PRELID2: variants seen among roughly 807,000 people sequenced by gnomAD.
The protein encoded by PRELID2 is PRELI domain-containing protein 2.
Under a neutral mutation model 28.4 loss-of-function variants are expected in PRELID2, and 25 were observed. The observed-to-expected ratio is 0.88, with a 90% CI of 0.64 to 1.23. The LOEUF (loss-of-function observed/expected upper bound fraction) is 1.23. PRELID2 is among the 50% of genes most tolerant of loss of function. The pLI is 0.00. For synonymous variants in PRELID2, 76 were observed against 71.6 expected (o/e 1.06, Z -0.31); for missense variants, 201 against 214.4 (o/e 0.94, Z 0.39).
intron 1 of PRELID2, among the ~76,000 whole-genome samples, chr5:145,577,871 T>C (rs1753073966): frequency 6.6e-6 from 1 of 152,206 alleles, no homozygotes; most frequent in South Asian, 2.1e-4. Flanking sequence ...CTTATCATTA[T>C]ATCCCCATCA....
the PRELID2 span, among the ~76,000 whole-genome samples, chr5:145,439,944 C>A: frequency 6.6e-6 from 1 of 152,188 alleles, no homozygotes; most frequent in East Asian, 1.9e-4. Flanking sequence ...CCTTTCTGAA[C>A]TCCATGGACT....
chr5:145,394,453 GGA>G, the PRELID2 span, among the ~76,000 whole-genome samples: 1 of 130,550 alleles, frequency 7.7e-6, no homozygotes, highest in Non-Finnish European at 1.6e-5. Flanking sequence ...GGAGGGGGAG[GGA>G]TAGCATTAGG....
chr5:145,742,368 C>T (rs1395401112), intron 1 of PRELID2, among the ~76,000 whole-genome samples: 4 of 130,556 alleles, frequency 3.1e-5, no homozygotes, highest in Admixed American at 8.2e-5. Flanking sequence ...GAAAACAAAG[C>T]TCAACAAATT....
chr5:145,635,622 C>T (rs1391506385), intron 1 of PRELID2, among the ~76,000 whole-genome samples: 2 of 152,220 alleles, frequency 1.3e-5, no homozygotes, highest in Non-Finnish European at 2.9e-5. Context: ...GCTCTCGCCT[C>T]TAACATTCTG....
chr5:145,446,090 T>C, the PRELID2 span, among the ~76,000 whole-genome samples: 1 of 152,006 alleles, frequency 6.6e-6, no homozygotes, highest in Non-Finnish European at 1.5e-5. Flanking sequence ...TAGTTAACAA[T>C]AATATATTAT....
chr5:145,541,705 G>A (rs1752746894), intron 1 of PRELID2, among the ~76,000 whole-genome samples: 1 of 151,982 alleles, frequency 6.6e-6, no homozygotes, highest in Non-Finnish European at 1.5e-5. Context: ...GGGGATGGAA[G>A]GCATTCAGTT....
At chr5:145,326,671 T>C in the PRELID2 span, among the ~76,000 whole-genome samples, 1 of 152,028 alleles carries the variant, frequency 6.6e-6, no homozygotes, top group African/African-American at 2.4e-5. Flanking sequence ...AATTAATTAA[T>C]AGGGAAAGAA....
At chr5:145,719,869 C>G (rs1188611870) in intron 1 of PRELID2, among the ~76,000 whole-genome samples, 1 of 151,544 alleles carries the variant, frequency 6.6e-6, no homozygotes. Flanking sequence ...ATGAAAAACA[C>G]CTTAAATCAG....
At chr5:145,629,449 A>C (rs1753901938) in intron 1 of PRELID2, among the ~76,000 whole-genome samples, 1 of 152,198 alleles carries the variant, frequency 6.6e-6, no homozygotes, top group Non-Finnish European at 1.5e-5. Context: ...TGTACGTATC[A>C]CTGATGAGAG....
chr5:145,607,557 G>T (rs1753522905), intron 1 of PRELID2, among the ~76,000 whole-genome samples: 2 of 151,980 alleles, frequency 1.3e-5, no homozygotes, highest in South Asian at 4.2e-4. Context: ...TATGGTTTTG[G>T]GAATTTTTTA....
chr5:145,407,660 C>A, the PRELID2 span, among the ~76,000 whole-genome samples: 3 of 152,176 alleles, frequency 2.0e-5, no homozygotes, highest in Non-Finnish European at 4.4e-5. Context: ...AGCTGCTGCT[C>A]TCTTGAAAGA....
At chr5:145,831,261 TG>T (rs1755565662) in intron 1 of PRELID2, among the ~76,000 whole-genome samples, 1 of 152,248 alleles carries the variant, frequency 6.6e-6, no homozygotes, top group African/African-American at 2.4e-5. Flanking sequence ...GTGATGCTGC[TG>T]ACTGCACAAG....
chr5:145,471,924 C>A (rs1306454157), exon 3 of PRELID2: 1 of 152,128 alleles, frequency 6.6e-6, no homozygotes, highest in Non-Finnish European at 1.5e-5. Context: ...AACTGCTTCC[C>A]AGTCTCATGA....
At chr5:145,713,467 A>G (rs1755756050) in intron 1 of PRELID2, among the ~76,000 whole-genome samples, 1 of 144,892 alleles carries the variant, frequency 6.9e-6, no homozygotes, top group Non-Finnish European at 1.5e-5. Flanking sequence ...CTTTATATAT[A>G]TATACACACA....
chr5:145,523,268 A>C (rs1752579012), intron 1 of PRELID2, among the ~76,000 whole-genome samples: 1 of 152,200 alleles, frequency 6.6e-6, no homozygotes, highest in Non-Finnish European at 1.5e-5. Flanking sequence ...CGGAGGAAAA[A>C]ACACTTCTAA....
intron 1 of PRELID2, among the ~76,000 whole-genome samples, chr5:145,542,787 GTCTTTTTCTC>G (rs1752755253): frequency 2.7e-5 from 2 of 74,852 alleles, no homozygotes; most frequent in African/African-American, 7.9e-5. Flanking sequence ...CTTTCTTTCT[GTCTTTTTCTC>G]TTTTCTTTTA....
chr5:145,626,531 G>A (rs189003744), intron 1 of PRELID2, among the ~76,000 whole-genome samples: 32 of 152,064 alleles, frequency 2.1e-4, no homozygotes, highest in Admixed American at 2.0e-4. Context: ...GTAGATATTG[G>A]CAAGGATGCA....
At position 145,525,496 on chromosome 5, in the gene PRELID2, G is replaced by A. The variant is rs188277865; in HGVS notation, n.71-52181C>T. On this transcript the variant is annotated intron_variant and non_coding_transcript_variant, in intron 1 of 2. Coordinates refer to the PRELID2 transcript ENST00000510259. ...TTGATTCACCTCATCTCTTCACTTC[G>A]CCTCTACAGATGCAACAGGGAAAGC... 5.9e-5 allele frequency among the ~76,000 whole-genome samples: 9 copies of A among 152,014 alleles called. No individual in the cohort carries two copies. The East Asian group carries it at 1.7e-3, about 29-fold the overall frequency.
At chr5:145,789,064 C>T (rs1426350641) in intron 5 of PRELID2, among the ~76,000 whole-genome samples, 1 of 152,096 alleles carries the variant, frequency 6.6e-6, no homozygotes, top group Non-Finnish European at 1.5e-5. Context: ...GCTAACTTAT[C>T]CATAATACCC....
Sources: allele counts gnomAD v4.1 joint callset (sites outside exome capture counted in the v4.1 genomes callset), GRCh38; gene constraint gnomAD v4.1.1; transcripts MANE v1.5; gene names NCBI Gene and HGNC (gene_info 2026-07-23, HGNC 2026-07-21).